MOGS: variants seen among roughly 807,000 people sequenced by gnomAD.
MOGS encodes mannosyl-oligosaccharide glucosidase.
In MOGS, 45 loss-of-function variants were observed where a neutral mutation model predicts 68.5. That is an observed-to-expected ratio of 0.66 (90% CI 0.52 to 0.84). The LOEUF is 0.84. Among genes scored for constraint, MOGS ranks in the 40% least tolerant of loss-of-function variants. MOGS has a pLI of 0.00. For missense variants in MOGS, 1,020 were observed against 1,095.0 expected (o/e 0.93, Z 0.97); for synonymous variants, 492 against 461.2 (o/e 1.07, Z -0.86).
At chr2:74,463,532 T>TGA in intron 2 of MOGS, 146 bp from the exon 3 acceptor site, 1 of 841,732 alleles carries the variant, frequency 1.2e-6, no homozygotes, top group Non-Finnish European at 1.9e-6. Flanking sequence ...TGAGGGTCAC[T>TGA]GAGGGTAACC....
chr2:74,463,324 C>G lies in MOGS; in HGVS notation c.642G>C (p.Lys214Asn). The change falls in exon 3 of 4, where the codon AAG becomes AAC. Residue 214 changes from lysine to asparagine, a missense_variant. Lys to Asn is a moderately conservative substitution (Grantham distance 94). Coordinates refer to ENST00000448666, the MANE Select transcript of MOGS (RefSeq NM_006302.3). ...SLFFYVVTDGKEVLLPEVGAK... is the reference protein window; with the variant it reads ...SLFFYVVTDGNEVLLPEVGAK... ...CCCCAACCTCTGGTAGTAGGACTTCCTTGCCATCTGTCACCACATAGAAGA... is the reference window on the plus strand; with the variant it reads ...CCCCAACCTCTGGTAGTAGGACTTCGTTGCCATCTGTCACCACATAGAAGA... The G allele has an allele frequency of 6.2e-7, 1 of 1,614,188 alleles. No homozygotes were observed. The highest frequency in any genetic ancestry group is 8.5e-7 in the Non-Finnish European group (1 of 1,180,022).
At chr2:74,464,854 G>A (rs758723527) in intron 1 of MOGS, 42 bp downstream of exon 1, 2 of 1,588,748 alleles carry the variant, frequency 1.3e-6, no homozygotes, top group Middle Eastern at 1.7e-4. Context: ...GGGGCGCCCA[G>A]ATTAGGAGTC....
In MOGS at chr2:74,461,677, G is replaced by A. The variant is rs561758565; in HGVS notation, c.2112C>T (p.Pro704=). The change falls in exon 4 of 4, where the codon CCC becomes CCT. Residue 704 remains proline (P), a synonymous_variant. Transcript: ENST00000448666. ...LFPLLLRLLD[P]TSSRLGPLLD... is the part of the protein sequence containing the mutation. ...GCAGGGGCCCAAGGCGGGATGAGGTGGGGTCCAGCAGTCGCAGCAGCAAGG... is the reference window on the plus strand; with the variant it reads ...GCAGGGGCCCAAGGCGGGATGAGGTAGGGTCCAGCAGTCGCAGCAGCAAGG... 1.3e-3 allele frequency: 2,074 copies of A among 1,614,214 alleles called. 39 individuals carry two copies. In the South Asian group the frequency reaches 0.022, roughly 17 times the overall value.
rs1450992645 is a variant in MOGS, at chr2:74,462,796, G to A, written c.993C>T (p.Ser331=). The A allele has an allele frequency of 1.2e-6, 2 of 1,614,226 alleles. No individual in the cohort carries two copies. Among genetic ancestry groups the A allele is most frequent in the Non-Finnish European group, 1.7e-6 (2 of 1,180,040 alleles). Reference sequence around the variant, plus strand: ...TGCCTGATTCAAACACAAACTCTATGGAAATGGGAATTTTCAGGGTCACCT... The same window carrying A: ...TGCCTGATTCAAACACAAACTCTATAGAAATGGGAATTTTCAGGGTCACCT... The part of the protein sequence containing the change: ...IQQVTLKIPI[S]IEFVFESGSA... Residue 331 remains serine, a synonymous_variant, in exon 4 of 4, where the codon TCC becomes TCT. Transcript: ENST00000448666.
rs886745696 is a variant in MOGS at position 74,462,889 on chromosome 2, C to A, written c.900G>T (p.Leu300Phe). Residue 300 changes from leucine (L) to phenylalanine (F), a missense_variant, in exon 4 of 4, where the codon TTG (leucine) becomes TTT (phenylalanine). Physicochemically the swap from Leu to Phe is conservative, Grantham distance 22 (BLOSUM62 0). Coordinates refer to ENST00000448666, the MANE Select transcript of MOGS (RefSeq NM_006302.3). ...PGAPPERYLG[L>F]PGSLKWEDRG... Reference sequence around the variant, plus strand: ...TGTCCTCCCACTTCAGGGATCCTGGCAAGCCGAGGTAGCGTTCAGGGGGGG... The same window carrying A: ...TGTCCTCCCACTTCAGGGATCCTGGAAAGCCGAGGTAGCGTTCAGGGGGGG... 2.0e-5 allele frequency: 33 copies of A among 1,614,034 alleles called. No individual in the cohort carries two copies. Among genetic ancestry groups the A allele is most frequent in the Non-Finnish European group, 2.6e-5 (31 of 1,180,048 alleles).
At position 74,464,884 on chromosome 2, in the gene MOGS, G is replaced by A. The variant is rs761799850; in HGVS notation, c.352+12C>T. The A allele has an allele frequency of 1.1e-5, 17 of 1,604,574 alleles. No homozygotes were observed. The South Asian group carries it at 1.5e-4, about 14-fold the overall frequency. On this transcript the variant is annotated intron_variant, in intron 1 of 3. Transcript: ENST00000448666. The stretch of plus-strand genomic sequence containing the variant: ...GGAGTCCGCCTGCCTGCCCGCCCTG[G>A]GGCCCGGTTACCGGTGAGGAGGGGC...
At position 74,461,122 on chromosome 2, in the gene MOGS, G is replaced by T; in HGVS notation, c.*153C>A. The T allele has an allele frequency of 1.2e-6, 1 of 824,138 alleles. No individual in the cohort carries two copies. The highest frequency in any genetic ancestry group is 2.0e-6 in the Non-Finnish European group (1 of 502,316). 51.1% of individuals were successfully genotyped at this position (824,138 alleles called of 1,614,324 possible). On this transcript the variant is annotated 3_prime_UTR_variant, in exon 4 of 4. Transcript: ENST00000448666. ...GACTCTGGATTCACATTCACCCCAG[G>T]GCTATGTGGGATGACAGCAAGGAGA...
chr2:74,462,887 G>A lies in MOGS; in HGVS notation c.902C>T (p.Pro301Leu). Residue 301 changes from proline to leucine, a missense_variant, in exon 4 of 4, where the codon CCA becomes CTA. This residue lies in a region of MOGS where 569 missense variants were observed against 571.9 expected (regional missense o/e 0.99). Transcript: ENST00000448666. ...GAPPERYLGL[P>L]GSLKWEDRGP... ...TCTGTCCTCCCACTTCAGGGATCCT[G>A]GCAAGCCGAGGTAGCGTTCAGGGGG... is the stretch of plus-strand genomic sequence containing the variant. 6.2e-7 allele frequency: 1 copy of A among 1,614,168 alleles called. No homozygotes were observed. The highest frequency in any genetic ancestry group is 8.5e-7 in the Non-Finnish European group (1 of 1,180,044).
Position 74,461,095 on chromosome 2 carries a change from T to G in MOGS, c.*180A>C. On this transcript the variant is annotated 3_prime_UTR_variant, in exon 4 of 4. Coordinates refer to ENST00000448666, the MANE Select transcript of MOGS (RefSeq NM_006302.3). ...GTTTTTTCCAATTTATTTAGAAAAA[T>G]AGACTCTGGATTCACATTCACCCCA... 2 of 729,586 alleles carry G rather than the reference T, an allele frequency of 2.7e-6. No homozygotes were observed. The highest frequency in any genetic ancestry group is 2.7e-5 in the East Asian group (1 of 37,248). The allele number at this position is 729,586 out of a possible 1,614,324, so 45.2% of individuals were successfully genotyped here. A position where few individuals can be genotyped will look rare whatever the true frequency, so the allele number is the denominator to read the frequency against.
rs757426285 is a variant in MOGS, at chr2:74,462,364, C to T, written c.1425G>A (p.Leu475=). 2 of 1,614,130 alleles carry T rather than the reference C, an allele frequency of 1.2e-6. No individual in the cohort carries two copies. The highest frequency in any genetic ancestry group is 1.7e-6 in the Non-Finnish European group (2 of 1,180,020). The change falls in exon 4 of 4, where the codon CTG becomes CTA. Residue 475 remains leucine (L), a synonymous_variant. Coordinates refer to ENST00000448666, the MANE Select transcript of MOGS (RefSeq NM_006302.3). ...TCCAGCCATCAGCATTTAGCAGCCC[C>T]AGCCAGTGGCCAAGGGCTTCCCGGG... ...SLTREALGHW[L]GLLNADGWIG...
chr2:74,464,520 G>C lies in MOGS; in HGVS notation c.555C>G (p.Ser185Arg). The C allele has an allele frequency of 6.2e-7, 1 of 1,614,106 alleles. No homozygotes were observed. The highest frequency in any genetic ancestry group is 8.5e-7 in the Non-Finnish European group (1 of 1,180,020). Residue 185 changes from serine (S) to arginine (R), a missense_variant, in exon 2 of 4, where the codon AGC becomes AGG. Ser to Arg is a moderately radical substitution (Grantham distance 110). Transcript: ENST00000448666. ...CCTGAGGCTCTACAGTCACTCTCCA[G>C]CTCCAGTCCCCTCCGTGCTGACCCC... ...RPGGQHGGDWSWRVTVEPQDS... is the reference protein window; with the variant it reads ...RPGGQHGGDWRWRVTVEPQDS...
chr2:74,465,166 C>G lies in MOGS; in HGVS notation c.82G>C (p.Gly28Arg), dbSNP rs1261998651. The G allele has an allele frequency of 1.5e-5, 23 of 1,531,046 alleles. No individual in the cohort carries two copies. The highest frequency in any genetic ancestry group is 1.8e-5 in the Non-Finnish European group (21 of 1,145,632). 94.8% of individuals were successfully genotyped at this position (1,531,046 alleles called of 1,614,324 possible). ...CCGCCGCCCCGGCCGTCCCGTCGCCCGGGGCCTCCCCGAGCCGCCCTCTCG... is the reference window on the plus strand; with the variant it reads ...CCGCCGCCCCGGCCGTCCCGTCGCCGGGGGCCTCCCCGAGCCGCCCTCTCG... ...TAERAARGGP[G>R]RRDGRGGGPR... Residue 28 changes from glycine (G) to arginine (R), a missense_variant, in exon 1 of 4, where the codon GGG becomes CGG. Around this residue, in one of 3 missense-constraint regions of MOGS, gnomAD observed 569 missense variants for 571.9 expected, o/e 0.99. Transcript: ENST00000448666.
rs749858541 is a variant in MOGS at position 74,462,564 on chromosome 2, C to G, written c.1225G>C (p.Gly409Arg). 1 of 1,612,898 alleles carries G rather than the reference C, an allele frequency of 6.2e-7. No individual in the cohort carries two copies. Among genetic ancestry groups the G allele is most frequent in the Non-Finnish European group, 8.5e-7 (1 of 1,179,218 alleles). Residue 409 changes from glycine (G) to arginine (R), a missense_variant, in exon 4 of 4, where the codon GGG becomes CGG. Gly to Arg is a moderately radical substitution (Grantham distance 125). Transcript: ENST00000448666. ...LGGIGYFYGQ[G>R]LVLPDIGVEG... ...ACCCCGATGTCTGGCAATACCAGCCCTTGTCCGTAGAAGTAGCCAATTCCA... is the reference window on the plus strand; with the variant it reads ...ACCCCGATGTCTGGCAATACCAGCCGTTGTCCGTAGAAGTAGCCAATTCCA...
At chr2:74,464,841 G>A in intron 1 of MOGS, 55 bp downstream of exon 1, 1 of 1,576,098 alleles carries the variant, frequency 6.3e-7, no homozygotes, top group South Asian at 1.1e-5. Flanking sequence ...CTCGCTTCAA[G>A]CTGGGGCGCC....
Position 74,461,406 on chromosome 2 carries a change from C to G in MOGS, c.2383G>C (p.Val795Leu). The change falls in exon 4 of 4, where the codon GTA becomes CTA. Residue 795 changes from valine (V) to leucine (L), a missense_variant. Val to Leu is a conservative substitution (Grantham distance 32, BLOSUM62 1). Coordinates refer to ENST00000448666, the MANE Select transcript of MOGS (RefSeq NM_006302.3). ...CCTGTAGCCTGGTACTGGCGCCATA[C>G]ATTGCCTACCACGTTGGCACGGAGC... ...GELRANVVGNVWRQYQATGFL... is the reference protein window; with the variant it reads ...GELRANVVGNLWRQYQATGFL... 1 of 1,614,116 alleles carries G rather than the reference C, an allele frequency of 6.2e-7. No homozygotes were observed. The highest frequency in any genetic ancestry group is 2.2e-5 in the East Asian group (1 of 44,902).
chr2:74,464,745 A>G, intron 1 of MOGS, 23 bp from the exon 2 acceptor site: 1 of 1,604,576 alleles, frequency 6.2e-7, no homozygotes, highest in South Asian at 1.1e-5. Flanking sequence ...TGGCCACGTA[A>G]GTCAAAGAGC....
intron 2 of MOGS, among the ~76,000 whole-genome samples, chr2:74,463,820 C>T (rs1353219330): frequency 2.0e-5 from 3 of 151,862 alleles, no homozygotes; most frequent in African/African-American, 7.3e-5. Context: ...CCCGCCACCA[C>T]GCCCAGCTAA....
rs1383145726 is a variant in MOGS at position 74,465,363 on chromosome 2, A to G, written c.-116T>C. The stretch of plus-strand genomic sequence containing the variant: ...TGGCGACCACCGTCCGGTTAGCGAC[A>G]CCTGCCAGCCAGCGCCTGCGCCTCC... On this transcript the variant is annotated 5_prime_UTR_variant, in exon 1 of 4. Transcript: ENST00000448666. The G allele has an allele frequency of 6.0e-6, 3 of 500,116 alleles. No individual in the cohort carries two copies. Among genetic ancestry groups the G allele is most frequent in the Non-Finnish European group, 9.9e-6 (3 of 304,466 alleles). 31.0% of individuals were successfully genotyped at this position (500,116 alleles called of 1,614,324 possible).
chr2:74,462,923 G>T lies in MOGS; in HGVS notation c.866C>A (p.Pro289His). 1 of 1,614,200 alleles carries T rather than the reference G, an allele frequency of 6.2e-7. No homozygotes were observed. The highest frequency in any genetic ancestry group is 1.1e-5 in the South Asian group (1 of 91,084). ...GTAGCGTTCAGGGGGGGCCCCTGGG[G>T]GCCGATGCTGAAACCAGCTATTTAG... ...SRLNSWFQHR[P>H]PGAPPERYLG... The change falls in exon 4 of 4, where the codon CCC becomes CAC. Residue 289 changes from proline (P) to histidine (H), a missense_variant. Transcript: ENST00000448666.
Sources: allele counts gnomAD v4.1 joint callset (sites outside exome capture counted in the v4.1 genomes callset), GRCh38; gene constraint gnomAD v4.1.1; regional missense constraint gnomAD v4.1.1; transcripts MANE v1.5; gene names NCBI Gene and HGNC (gene_info 2026-07-23, HGNC 2026-07-21).